Variants in GLI2 observed in about 807,000 individuals in gnomAD.
GLI2 encodes transcription activator GLI2.
In GLI2, 22 loss-of-function variants were observed where a neutral mutation model predicts 78.9. The ratio of observed to expected loss-of-function variants is 0.28; its 90% confidence interval spans 0.20 to 0.40. The LOEUF (loss-of-function observed/expected upper bound fraction) is 0.40. Among genes scored for constraint, GLI2 ranks in the 10% least tolerant of loss-of-function variants. The probability of loss-of-function intolerance (pLI) is 1.00; values close to 1 mark genes in which losing one functional copy is unlikely to be tolerated. For missense variants in GLI2, 2,097 were observed against 2,213.2 expected (o/e 0.95, Z 1.05); for synonymous variants, 974 against 963.7 (o/e 1.01, Z -0.20).
rs142626503 is a variant in GLI2 at position 120,800,473 on chromosome 2, T to TTTATTATTATTATTATTATTATTA, written c.148+3025_148+3026insATTATTATTATTATTATTATTATT. On this transcript the variant is annotated intron_variant, in intron 2 of 13. Coordinates refer to ENST00000361492, the MANE Select transcript of GLI2 (RefSeq NM_001374353.1). The surrounding 1 kb of genome is among the most constrained non-coding windows in gnomAD (Gnocchi z 4.1). ...TTTGCTGTCTGGCGGAAAGGGATGA[T>TTTATTATTATTATTATTATTATTA]TTATTATTATTATTATTATTTTATT... Among the ~76,000 whole-genome samples the TTTATTATTATTATTATTATTATTA allele has an allele frequency of 3.3e-4, 49 of 148,554 alleles. No homozygotes were observed. Among genetic ancestry groups the TTTATTATTATTATTATTATTATTA allele is most frequent in the African/African-American group, 1.2e-3 (49 of 40,610 alleles).
At position 120,967,903 on chromosome 2, in the gene GLI2, G is replaced by A. The variant is rs75053815; in HGVS notation, c.644-811G>A. On this transcript the variant is annotated intron_variant, in intron 5 of 13. Coordinates refer to ENST00000361492, the MANE Select transcript of GLI2 (RefSeq NM_001374353.1). ...CCTGTTACAGCAGGCTGCCCAGTAG[G>A]CTCTGGAGAGACAGCCAAAGGCCCA... Among the ~76,000 whole-genome samples the A allele has an allele frequency of 2.4e-3, 365 of 152,310 alleles. 6 individuals are homozygous for A. Among genetic ancestry groups the A allele is most frequent in the South Asian group, 0.02 (97 of 4,828 alleles).
chr2:120,891,758 T>C (rs1401199282), intron 2 of GLI2, among the ~76,000 whole-genome samples: 3 of 152,200 alleles, frequency 2.0e-5, no homozygotes, highest in Non-Finnish European at 2.9e-5. Context: ...CGCTGTTCCC[T>C]TCTCTTCCTT....
chr2:120,942,630 C>A (rs1033029937), intron 3 of GLI2, among the ~76,000 whole-genome samples: 3 of 152,228 alleles, frequency 2.0e-5, no homozygotes, highest in Admixed American at 1.3e-4. Context: ...ATGAGCCCCC[C>A]ACGTGCCTTC....
At position 120,809,577 on chromosome 2, in the gene GLI2, GA is replaced by G. The variant is rs146535722; in HGVS notation, c.148+12113del. On this transcript the variant is annotated intron_variant, in intron 2 of 13. Coordinates refer to ENST00000361492, the MANE Select transcript of GLI2 (RefSeq NM_001374353.1). The stretch of plus-strand genomic sequence containing the variant: ...AGGAGAAAGAAAGGATAGAAGGAAG[GA>G]AAAGAGGAAGGAAGTGCGGGGGAGG... Among the ~76,000 whole-genome samples the G allele has an allele frequency of 9.7e-3, 1,470 of 151,880 alleles. 13 individuals are homozygous for G. Among genetic ancestry groups the G allele is most frequent in the Non-Finnish European group, 0.016 (1,089 of 67,930 alleles).
intron 1 of GLI2, among the ~76,000 whole-genome samples, chr2:120,768,662 T>C (rs1271420791): frequency 6.6e-6 from 1 of 152,146 alleles, no homozygotes; most frequent in Admixed American, 6.5e-5. Flanking sequence ...GATGAAATAA[T>C]AGTAGTGGCT....
At chr2:120,891,358 G>A (rs1032723034) in intron 2 of GLI2, among the ~76,000 whole-genome samples, 1 of 152,116 alleles carries the variant, frequency 6.6e-6, no homozygotes, top group East Asian at 1.9e-4. Context: ...TGGCTGCCTG[G>A]GTTTGAATTT....
At chr2:120,836,370 T>C (rs1159666177) in intron 2 of GLI2, among the ~76,000 whole-genome samples, 1 of 152,202 alleles carries the variant, frequency 6.6e-6, no homozygotes, top group Non-Finnish European at 1.5e-5. Context: ...CAAGATTATG[T>C]TTTTGAGATG....
chr2:120,797,175 A>C, intron 1 of GLI2, 116 bp from the exon 2 acceptor site: 4 of 764,056 alleles, frequency 5.2e-6, no homozygotes, highest in Non-Finnish European at 9.3e-6. Flanking sequence ...CCCAATTATA[A>C]GAGAATTAGA....
At chr2:120,945,990 C>CACACACACACACACAT (rs1401104253) in intron 3 of GLI2, among the ~76,000 whole-genome samples, 1 of 151,692 alleles carries the variant, frequency 6.6e-6, no homozygotes, top group Non-Finnish European at 1.5e-5. Context: ...CACACACACA[C>CACACACACACACACAT]AGCTTTGTGC....
chr2:120,990,496 G>A lies in GLI2; in HGVS notation c.4531G>A (p.Ala1511Thr). Reference protein sequence around the residue: ...DGDHSSLFSGALSPSLLHSLS... With the variant: ...DGDHSSLFSGTLSPSLLHSLS... ...CGATCACTCGAGTTTGTTCTCGGGT[G>A]CTCTGAGCCCCAGCCTCCTCCACAG... The change falls in exon 14 of 14, where the codon GCT (alanine) becomes ACT (threonine). Residue 1511 changes from alanine to threonine, a missense_variant. Physicochemically the swap from Ala to Thr is moderately conservative, Grantham distance 58. Transcript: ENST00000361492. 1.2e-6 allele frequency: 2 copies of A among 1,613,854 alleles called. No homozygotes were observed. The highest frequency in any genetic ancestry group is 1.7e-6 in the Non-Finnish European group (2 of 1,179,956).
At chr2:120,786,072 AAGGC>A (rs1683989383) in intron 1 of GLI2, among the ~76,000 whole-genome samples, 1 of 152,166 alleles carries the variant, frequency 6.6e-6, no homozygotes, top group Admixed American at 6.5e-5. Flanking sequence ...GGCTCCTGGC[AAGGC>A]AGCCTCACAA....
intron 2 of GLI2, among the ~76,000 whole-genome samples, chr2:120,859,015 T>A (rs571072905): frequency 7.2e-6 from 1 of 138,740 alleles, no homozygotes; most frequent in African/African-American, 2.8e-5. Context: ...GGAGGCACGG[T>A]AAAGCGGGTG....
At chr2:120,756,016 C>T (rs554136527) in intron 1 of GLI2, among the ~76,000 whole-genome samples, 10 of 152,220 alleles carry the variant, frequency 6.6e-5, no homozygotes, top group African/African-American at 2.4e-4. Context: ...GCTTAGCTCT[C>T]TAAGTATTCT....
intron 2 of GLI2, among the ~76,000 whole-genome samples, chr2:120,881,384 G>T (rs975827349): frequency 2.0e-5 from 3 of 151,888 alleles, no homozygotes; most frequent in African/African-American, 7.3e-5. Flanking sequence ...GGACAGTGGG[G>T]AGAGGGCAGG....
At chr2:120,754,572 T>C (rs1049194433) in intron 1 of GLI2, among the ~76,000 whole-genome samples, 1 of 152,210 alleles carries the variant, frequency 6.6e-6, no homozygotes, top group African/African-American at 2.4e-5. Context: ...TTGGAATTCA[T>C]CCATGTTGCT....
Position 120,793,696 on chromosome 2 carries a change from G to A in GLI2, c.-30-3595G>A, listed in dbSNP as rs181088562. Among the ~76,000 whole-genome samples, 283 of 152,326 alleles carry A rather than the reference G, an allele frequency of 1.9e-3. 3 individuals carry two copies. The highest frequency in any genetic ancestry group is 6.4e-3 in the African/African-American group (264 of 41,572). ...CCCGCTGCATCTGCTCCCCACAGGCGTTCACGAAACCTCAGGTGCATCTGT... is the reference window on the plus strand; with the variant it reads ...CCCGCTGCATCTGCTCCCCACAGGCATTCACGAAACCTCAGGTGCATCTGT... On this transcript the variant is annotated intron_variant, in intron 1 of 13. Coordinates refer to ENST00000361492, the MANE Select transcript of GLI2 (RefSeq NM_001374353.1).
intron 2 of GLI2, among the ~76,000 whole-genome samples, chr2:120,842,372 A>G (rs1390496506): frequency 2.0e-5 from 3 of 152,132 alleles, no homozygotes; most frequent in Admixed American, 2.0e-4. Context: ...TTGCATGACA[A>G]TGTATCTTGG....
intron 1 of GLI2, among the ~76,000 whole-genome samples, chr2:120,793,605 ATCT>A (rs1558798831): frequency 6.6e-6 from 1 of 152,112 alleles, no homozygotes; most frequent in African/African-American, 2.4e-5. Flanking sequence ...TCTGTGTACT[ATCT>A]TCTTCTCCGG....
chr2:120,889,226 C>G (rs550044988), intron 2 of GLI2, among the ~76,000 whole-genome samples: 1 of 152,296 alleles, frequency 6.6e-6, no homozygotes, highest in South Asian at 2.1e-4. Context: ...CTGAGATGCT[C>G]GAGGAAACTC....
Sources: allele counts gnomAD v4.1 joint callset (sites outside exome capture counted in the v4.1 genomes callset), GRCh38; gene constraint gnomAD v4.1.1; non-coding constraint Gnocchi (gnomAD v3.1); transcripts MANE v1.5; gene names NCBI Gene and HGNC (gene_info 2026-07-23, HGNC 2026-07-21).